Variants in MMP7 observed in about 807,000 individuals in gnomAD.
MMP7 encodes the protein matrilysin.
A neutral mutation model predicts 31.5 loss-of-function variants in MMP7; 26 were observed. The ratio of observed to expected loss-of-function variants is 0.83; its 90% CI spans 0.61 to 1.15. MMP7 has a LOEUF of 1.15. Ranked by LOEUF, MMP7 falls within the 50% of genes most tolerant of loss-of-function variation. The probability of loss-of-function intolerance (pLI) is 0.00; values close to 1 mark genes in which losing one functional copy is unlikely to be tolerated. For missense variants in MMP7, 367 were observed against 326.5 expected, an observed-to-expected ratio of 1.12 and a Z score of -0.96; for synonymous variants, 142 against 124.2, an observed-to-expected ratio of 1.14 and a Z score of -0.95.
chr11:102,529,273 A>G (rs1410863083), intron 1 of MMP7, among the ~76,000 whole-genome samples: 1 of 152,202 alleles, frequency 6.6e-6, no homozygotes, highest in Non-Finnish European at 1.5e-5. Flanking sequence ...CTTATTGTTC[A>G]TCCATGACAA....
intron 1 of MMP7, among the ~76,000 whole-genome samples, chr11:102,528,925 C>A (rs548130502): frequency 6.6e-6 from 1 of 152,248 alleles, no homozygotes; most frequent in South Asian, 2.1e-4. Flanking sequence ...ACAAGTATGG[C>A]ATTGTTATCC....
At chr11:102,525,094 T>C (rs1858655115) in intron 3 of MMP7, 30 bp from the exon 4 acceptor site, 1 of 1,571,786 alleles carries the variant, frequency 6.4e-7, no homozygotes, top group East Asian at 2.3e-5. Flanking sequence ...TTGTTCTTAG[T>C]GACTGATTTT....
chr11:102,525,679 C>A (rs1858662288), intron 3 of MMP7, among the ~76,000 whole-genome samples: 3 of 151,712 alleles, frequency 2.0e-5, no homozygotes, highest in South Asian at 4.2e-4. Flanking sequence ...TTAAATTTGA[C>A]CACTTTGCTC....
At chr11:102,522,039 A>G (rs1858619132) in intron 5 of MMP7, among the ~76,000 whole-genome samples, 1 of 152,188 alleles carries the variant, frequency 6.6e-6, no homozygotes, top group Non-Finnish European at 1.5e-5. Context: ...TAATTTAGGA[A>G]ACACTGAGTT....
At chr11:102,530,520 A>T in intron 1 of MMP7, 73 bp downstream of exon 1, 1 of 1,225,080 alleles carries the variant, frequency 8.2e-7, no homozygotes, top group Non-Finnish European at 1.2e-6. Context: ...TGGGAAGGGA[A>T]ATAATTGAAA....
rs776705010 is a variant in MMP7 at position 102,527,763 on chromosome 11, G to A, written c.329C>T (p.Thr110Ile). 1 of 1,614,178 alleles carries A rather than the reference G, an allele frequency of 6.2e-7. No individual in the cohort carries two copies. The highest frequency in any genetic ancestry group is 1.1e-5 in the South Asian group (1 of 91,078). The change falls in exon 2 of 6, where the codon ACC becomes ATC. Residue 110 changes from threonine to isoleucine, a missense_variant. Thr to Ile is a moderately conservative substitution (Grantham distance 89). Transcript: ENST00000260227. ...GAGCCAGAGCAAAACTAACCTGTAG[G>A]TGACCACTTTGGAAGTCCATTTTGG... ...NSPKWTSKVVTYRIVSYTRDL... is the reference protein window; with the variant it reads ...NSPKWTSKVVIYRIVSYTRDL...
intron 3 of MMP7, among the ~76,000 whole-genome samples, chr11:102,526,240 A>ATAT (rs1437244210): frequency 4.0e-4 from 53 of 131,476 alleles, no homozygotes; most frequent in African/African-American, 1.4e-3. Context: ...ATATATATAT[A>ATAT]TTTTTTTTTT....
intron 5 of MMP7, among the ~76,000 whole-genome samples, 163 bp from the exon 6 acceptor site, chr11:102,520,967 C>T (rs866803721): frequency 2.0e-5 from 3 of 152,176 alleles, no homozygotes; most frequent in South Asian, 2.1e-4. Context: ...CCTCCAGAGG[C>T]TAAGAAGGCA....
chr11:102,522,210 A>G (rs1378868694), intron 5 of MMP7, among the ~76,000 whole-genome samples: 1 of 152,204 alleles, frequency 6.6e-6, no homozygotes, highest in Non-Finnish European at 1.5e-5. Flanking sequence ...ATTTATAGCA[A>G]ATGCTAGGTT....
intron 3 of MMP7, chr11:102,526,894 T>A (rs1165942965): frequency 6.5e-6 from 1 of 152,686 alleles, no homozygotes; most frequent in East Asian, 1.9e-4. Context: ...TACTTGCCAC[T>A]GTGTTACAGT....
intron 3 of MMP7, 149 bp downstream of exon 3, chr11:102,527,375 A>T (rs1858683148): frequency 9.9e-7 from 1 of 1,005,858 alleles, no homozygotes; most frequent in African/African-American, 1.6e-5. Context: ...TATAAAAATT[A>T]TAATAATATT....
chr11:102,523,231 A>G lies in MMP7; in HGVS notation c.775+9T>C. 6.4e-7 allele frequency: 1 copy of G among 1,570,552 alleles called. No homozygotes were observed. Among genetic ancestry groups the G allele is most frequent in the Non-Finnish European group, 8.7e-7 (1 of 1,154,374 alleles). On this transcript the variant is annotated intron_variant, in intron 5 of 5. Coordinates refer to ENST00000260227, the MANE Select transcript of MMP7 (RefSeq NM_002423.5). ...GGGAAATCCTCTTATTTGAAATAAT[A>G]AATATTACCATATAGTTTCTGAATG...
At chr11:102,524,484 C>T (rs1373858964) in intron 4 of MMP7, 2 of 152,228 alleles carry the variant, frequency 1.3e-5, no homozygotes, top group Admixed American at 6.5e-5. Context: ...ATAGTTTCTA[C>T]TTCTCTTTCT....
At chr11:102,525,184 G>T in intron 3 of MMP7, 120 bp from the exon 4 acceptor site, 1 of 1,286,274 alleles carries the variant, frequency 7.8e-7, no homozygotes, top group Middle Eastern at 2.7e-4. Flanking sequence ...GCCAGGCATG[G>T]TGGCTCACTT....
chr11:102,527,666 T>A lies in MMP7; in HGVS notation c.342A>T (p.Val114=). The change falls in exon 3 of 6, where the codon GTA becomes GTT. Residue 114 remains valine, a synonymous_variant. Transcript: ENST00000260227. ...WTSKVVTYRI[V]SYTRDLPHIT... is the part of the protein sequence containing the mutation. ...TATGCGGTAAGTCTCGAGTATATGA[T>A]ACGATCCTAGTAGCAAACAAGAAAA... 6.2e-7 allele frequency: 1 copy of A among 1,614,084 alleles called. No homozygotes were observed. The highest frequency in any genetic ancestry group is 8.5e-7 in the Non-Finnish European group (1 of 1,179,974).
Position 102,530,635 on chromosome 11 carries a change from C to T in MMP7, c.66G>A (p.Gln22=). 6.2e-7 allele frequency: 1 copy of T among 1,614,054 alleles called. No individual in the cohort carries two copies. The highest frequency in any genetic ancestry group is 1.1e-5 in the South Asian group (1 of 91,062). Residue 22 remains glutamine (Q), a synonymous_variant, in exon 1 of 6, where the codon CAG becomes CAA. Transcript: ENST00000260227. ...LPGSLALPLP[Q]EAGGMSELQW... ...GTAGCTCACTCATGCCTCCCGCCTC[C>T]TGAGGCAGCGGCAGGGCCAGGCTGC... is the stretch of plus-strand genomic sequence containing the variant.
chr11:102,527,013 G>C (rs1443666305), intron 3 of MMP7: 1 of 168,158 alleles, frequency 5.9e-6, no homozygotes, highest in Non-Finnish European at 1.3e-5. Context: ...CTGGGTTTGT[G>C]TAAGTGTATT....
rs1421193363 is a variant in MMP7 at position 102,520,822 on chromosome 11, A to G, written c.776-18T>C. On this transcript the variant is annotated intron_variant, in intron 5 of 5. Coordinates refer to ENST00000260227, the MANE Select transcript of MMP7 (RefSeq NM_002423.5). ...TCTCTTTCCTATTGAGAGAAAAAAA[A>G]AGAACATTCTGATATGTAGAAAATG... 8 of 1,521,322 alleles carry G rather than the reference A, an allele frequency of 5.3e-6. No homozygotes were observed. Among genetic ancestry groups the G allele is most frequent in the African/African-American group, 1.4e-5 (1 of 72,838 alleles). 94.2% of individuals were successfully genotyped at this position (1,521,322 alleles called of 1,614,324 possible).
At chr11:102,522,908 G>A (rs17878371) in intron 5 of MMP7, among the ~76,000 whole-genome samples, 1 of 152,196 alleles carries the variant, frequency 6.6e-6, no homozygotes, top group African/African-American at 2.4e-5. Flanking sequence ...TGTCCCTTCA[G>A]TCCACCCCTA....
Sources: allele counts gnomAD v4.1 joint callset (sites outside exome capture counted in the v4.1 genomes callset), GRCh38; gene constraint gnomAD v4.1.1; transcripts MANE v1.5; gene names NCBI Gene and HGNC (gene_info 2026-07-23, HGNC 2026-07-21).